ARL15: variants seen among roughly 807,000 people sequenced by gnomAD.
ARL15 encodes the protein ARF like GTPase 15, also known as ADP-ribosylation factor-like protein 15.
ARL15 carries 19 observed loss-of-function variants against 25.2 expected under a neutral mutation model. That is an observed-to-expected ratio of 0.75 (90% CI 0.53 to 1.10). The LOEUF is 1.10. Among genes scored for constraint, ARL15 ranks in the 50% least tolerant of loss-of-function variants. The pLI, the probability that ARL15 is intolerant of heterozygous loss-of-function variation, is 0.00. For missense variants in ARL15, 220 were observed against 246.0 expected, an observed-to-expected ratio of 0.89 and a Z score of 0.71; for synonymous variants, 94 against 86.8, an observed-to-expected ratio of 1.08 and a Z score of -0.46.
intron 1 of ARL15, among the ~76,000 whole-genome samples, chr5:54,193,973 C>A (rs1755480005): frequency 6.6e-6 from 1 of 152,020 alleles, no homozygotes; most frequent in African/African-American, 2.4e-5. Flanking sequence ...ATATTAAATA[C>A]AGTTATTTAA....
rs557467214 is a variant in ARL15 at position 54,275,691 on chromosome 5, A to T, written c.48+34741T>A. On this transcript the variant is annotated intron_variant, in intron 1 of 4. Coordinates refer to ENST00000504924, the MANE Select transcript of ARL15 (RefSeq NM_019087.3). ...ATTTTATATTATTATTATTTTATTT[A>T]TTTTTTTTTTTGAGACACAGTCTCA... 3.2e-3 allele frequency among the ~76,000 whole-genome samples: 468 copies of T among 144,764 alleles called. 6 individuals are homozygous for T. Among genetic ancestry groups the T allele is most frequent in the African/African-American group, 0.011 (427 of 38,174 alleles). 95.0% of individuals were successfully genotyped at this position (144,764 alleles called of 152,430 possible).
Position 54,299,920 on chromosome 5 carries a change from C to G in ARL15, c.48+10512G>C, listed in dbSNP as rs184458511. 8.0e-3 allele frequency among the ~76,000 whole-genome samples: 1,211 copies of G among 152,204 alleles called. 10 individuals carry two copies. Among genetic ancestry groups the G allele is most frequent in the Non-Finnish European group, 0.012 (829 of 68,010 alleles). ...TAGTTTTAACTACATCTCCAAACCT[C>G]ACCTCTGAGTTTCCATTTACCTATG... is the stretch of plus-strand genomic sequence containing the variant. On this transcript the variant is annotated intron_variant, in intron 1 of 4. Coordinates refer to ENST00000504924, the MANE Select transcript of ARL15 (RefSeq NM_019087.3).
At chr5:54,126,101 T>A (rs1245015498) in intron 3 of ARL15, among the ~76,000 whole-genome samples, 1 of 152,192 alleles carries the variant, frequency 6.6e-6, no homozygotes, top group South Asian at 2.1e-4. Flanking sequence ...GAATTACCTC[T>A]GCTGATATTC....
intron 1 of ARL15, among the ~76,000 whole-genome samples, chr5:54,224,576 A>G (rs1756468478): frequency 6.6e-6 from 1 of 152,218 alleles, no homozygotes; most frequent in Admixed American, 6.5e-5. Context: ...TCTGGGCTCA[A>G]CATTCAGATA....
chr5:54,191,862 T>A (rs1244507364), intron 1 of ARL15, among the ~76,000 whole-genome samples: 1 of 152,130 alleles, frequency 6.6e-6, no homozygotes, highest in African/African-American at 2.4e-5. Context: ...AGATCAAGTC[T>A]CTTTTCCACT....
chr5:54,063,458 A>G (rs1287968683), intron 4 of ARL15, among the ~76,000 whole-genome samples: 1 of 152,218 alleles, frequency 6.6e-6, no homozygotes, highest in Non-Finnish European at 1.5e-5. Flanking sequence ...CAGCATGCTT[A>G]CCTGATATAG....
intron 1 of ARL15, among the ~76,000 whole-genome samples, chr5:54,245,554 G>A (rs550172546): frequency 2.1e-4 from 32 of 152,042 alleles, no homozygotes; most frequent in Admixed American, 1.2e-3. Context: ...TGCTCCCTGG[G>A]TCCTAAGCAC....
chr5:54,037,961 C>T (rs1309563910), intron 4 of ARL15, among the ~76,000 whole-genome samples: 1 of 152,024 alleles, frequency 6.6e-6, no homozygotes, highest in East Asian at 1.9e-4. Context: ...ATCCGAATCT[C>T]CAAACTATTA....
At chr5:54,080,010 C>CACACACATAG (rs775031344) in intron 4 of ARL15, among the ~76,000 whole-genome samples, 1 of 144,680 alleles carries the variant, frequency 6.9e-6, no homozygotes. Context: ...CACACACACA[C>CACACACATAG]ACACACAGAC....
rs567345722 is a variant in ARL15, at chr5:54,209,180, G to A, written c.49-37252C>T. Among the ~76,000 whole-genome samples the A allele has an allele frequency of 2.0e-5, 3 of 152,248 alleles. No homozygotes were observed. The South Asian group carries it at 6.2e-4, about 32-fold the overall frequency. On this transcript the variant is annotated intron_variant, in intron 1 of 4. Transcript: ENST00000504924. ...GGGCAGAATGAAGGAGTAGGGGGAG[G>A]TAAAGATGTGTGTTGGGGTGAATGG...
chr5:54,188,366 G>A (rs1484377638), intron 1 of ARL15, among the ~76,000 whole-genome samples: 2 of 152,012 alleles, frequency 1.3e-5, no homozygotes, highest in African/African-American at 2.4e-5. Context: ...GTGAATCTGT[G>A]GAAATAATTT....
intron 4 of ARL15, among the ~76,000 whole-genome samples, chr5:53,957,354 A>G (rs1379021221): frequency 6.6e-6 from 1 of 152,158 alleles, no homozygotes; most frequent in African/African-American, 2.4e-5. Context: ...AGAATTTCAT[A>G]TATGACCAAG....
intron 4 of ARL15, among the ~76,000 whole-genome samples, chr5:53,992,682 T>C (rs1171780641): frequency 6.6e-6 from 1 of 152,020 alleles, no homozygotes. Context: ...TCATGGACTC[T>C]ACCATGTTAG....
intron 1 of ARL15, among the ~76,000 whole-genome samples, chr5:54,177,949 C>T (rs904458346): frequency 2.0e-5 from 3 of 152,208 alleles, no homozygotes; most frequent in South Asian, 4.1e-4. Context: ...ACTAGCACTA[C>T]AGTTAATACT....
At chr5:54,236,209 T>C (rs539235952) in intron 1 of ARL15, among the ~76,000 whole-genome samples, 2 of 152,310 alleles carry the variant, frequency 1.3e-5, no homozygotes, top group African/African-American at 4.8e-5. Context: ...CGGATAACTA[T>C]GTTCCTTTTT....
chr5:54,021,267 G>A (rs570857621), intron 4 of ARL15, among the ~76,000 whole-genome samples: 65 of 151,390 alleles, frequency 4.3e-4, no homozygotes, highest in Admixed American at 1.1e-3. Flanking sequence ...CCCGGGAGGC[G>A]GAGATTGCAG....
intron 1 of ARL15, among the ~76,000 whole-genome samples, chr5:54,215,114 C>G (rs549390276): frequency 6.6e-6 from 1 of 152,084 alleles, no homozygotes; most frequent in Non-Finnish European, 1.5e-5. Context: ...GAGGCCTTTC[C>G]CTAATCAATA....
At chr5:54,158,864 C>T (rs2457161) in intron 2 of ARL15, among the ~76,000 whole-genome samples, 31,877 of 152,048 alleles carry the variant, frequency 0.21, 4,238 homozygotes, top group Admixed American at 0.34. Context: ...CAGAGCAAGA[C>T]TCTGTCTCAA....
chr5:54,161,702 C>T (rs1371032046), intron 2 of ARL15, among the ~76,000 whole-genome samples: 2 of 152,126 alleles, frequency 1.3e-5, no homozygotes, highest in Non-Finnish European at 2.9e-5. Flanking sequence ...ATATGCTTAT[C>T]TGTAATATCT....
Sources: allele counts gnomAD v4.1 joint callset (sites outside exome capture counted in the v4.1 genomes callset), GRCh38; gene constraint gnomAD v4.1.1; transcripts MANE v1.5; gene names NCBI Gene and HGNC (gene_info 2026-07-23, HGNC 2026-07-21).